The following MYO1D variants were observed in gnomAD, a reference collection of about 807,000 sequenced individuals.
The protein encoded by MYO1D is myosin ID.
MYO1D carries 83 observed loss-of-function variants against 122.0 expected under a neutral mutation model. The observed-to-expected ratio is 0.68, with a 90% CI of 0.57 to 0.82. The LOEUF is 0.82. MYO1D is among the 40% of genes least tolerant of loss of function. The probability of loss-of-function intolerance (pLI) is 0.00; values close to 1 mark genes in which losing one functional copy is unlikely to be tolerated. For missense variants in MYO1D, 1,157 were observed against 1,269.5 expected (o/e 0.91, Z 1.35); for synonymous variants, 464 against 446.9 (o/e 1.04, Z -0.48).
chr17:32,625,808 G>A (rs1330262627), intron 20 of MYO1D, among the ~76,000 whole-genome samples: 3 of 152,178 alleles, frequency 2.0e-5, no homozygotes, highest in African/African-American at 7.2e-5. Flanking sequence ...TGGGATTACA[G>A]GTGTGAGCCA....
chr17:32,703,571 G>A (rs777282352), intron 16 of MYO1D, among the ~76,000 whole-genome samples: 9 of 151,686 alleles, frequency 5.9e-5, no homozygotes, highest in Admixed American at 1.3e-4. Context: ...GCATGCTACC[G>A]TGCCTGGCTA....
chr17:32,661,005 A>G (rs757085897), intron 16 of MYO1D, among the ~76,000 whole-genome samples: 1 of 152,158 alleles, frequency 6.6e-6, no homozygotes, highest in Non-Finnish European at 1.5e-5. Context: ...TCTATAAAGG[A>G]TATCAATCTT....
chr17:32,520,264 C>T (rs952714082), intron 21 of MYO1D, among the ~76,000 whole-genome samples: 2 of 152,142 alleles, frequency 1.3e-5, no homozygotes, highest in Non-Finnish European at 2.9e-5. Context: ...CGCACACTAG[C>T]TGAGGGTGAT....
chr17:32,872,530 T>C (rs976675145), intron 1 of MYO1D, among the ~76,000 whole-genome samples: 2 of 151,774 alleles, frequency 1.3e-5, no homozygotes, highest in African/African-American at 4.8e-5. Context: ...CGCCTCAGCC[T>C]CCCAAAGTGC....
At chr17:32,502,193 T>C (rs1206932529) in intron 21 of MYO1D, among the ~76,000 whole-genome samples, 5 of 152,228 alleles carry the variant, frequency 3.3e-5, no homozygotes, top group African/African-American at 4.8e-5. Context: ...CAAAATGTGG[T>C]ACATCCATTC....
intron 21 of MYO1D, among the ~76,000 whole-genome samples, chr17:32,580,958 G>T (rs2087333501): frequency 6.6e-6 from 1 of 152,124 alleles, no homozygotes; most frequent in South Asian, 2.1e-4. Flanking sequence ...GGCGAAGGCT[G>T]GCCTCAGAAT....
At chr17:32,495,909 G>C (rs1463809074) in intron 21 of MYO1D, 1 of 152,568 alleles carries the variant, frequency 6.6e-6, no homozygotes, top group Admixed American at 6.5e-5. Flanking sequence ...TCGGGATGGC[G>C]TCTGGGGCGT....
rs369941775 is a variant in MYO1D, at chr17:32,693,252, AT to A, written c.2121+18735del. On this transcript the variant is annotated intron_variant, in intron 16 of 21. Coordinates refer to ENST00000318217, the MANE Select transcript of MYO1D (RefSeq NM_015194.3). Reference sequence around the variant, plus strand: ...AGAAAAGTGAAATGAATATGTAGCCATTTTTTTTTCCTTCCTTTTTTTCCTA... The same window carrying A: ...AGAAAAGTGAAATGAATATGTAGCCATTTTTTTTCCTTCCTTTTTTTCCTA... 9.9e-5 allele frequency among the ~76,000 whole-genome samples: 15 copies of A among 151,358 alleles called. No homozygotes were observed. The East Asian group carries it at 1.9e-3, about 20-fold the overall frequency.
At chr17:32,547,156 C>T (rs1459887111) in intron 21 of MYO1D, among the ~76,000 whole-genome samples, 2 of 152,154 alleles carry the variant, frequency 1.3e-5, no homozygotes, top group Admixed American at 1.3e-4. Context: ...ATCCTCCCAC[C>T]TCTACCTCCC....
Position 32,494,916 on chromosome 17 carries a change from C to T in MYO1D, c.2865-1G>A. ...GTTCACTTGAAGGTGGCGCTTCTCA[C>T]TGCAGGAACCAAAAACACCAGACGG... is the stretch of plus-strand genomic sequence containing the variant. On this transcript the variant is annotated splice_acceptor_variant, in intron 21 of 21. Coordinates refer to ENST00000318217, the MANE Select transcript of MYO1D (RefSeq NM_015194.3). LOFTEE classifies it high-confidence loss of function. 1 of 1,592,480 alleles carries T rather than the reference C, an allele frequency of 6.3e-7. No individual in the cohort carries two copies. Among genetic ancestry groups the T allele is most frequent in the Non-Finnish European group, 8.6e-7 (1 of 1,165,360 alleles).
intron 1 of MYO1D, among the ~76,000 whole-genome samples, chr17:32,782,764 C>T (rs149079913): frequency 0.015 from 2,223 of 152,162 alleles, 43 homozygotes; most frequent in African/African-American, 0.048. Context: ...AGTGAAACTC[C>T]ATCTCTACCA....
At chr17:32,604,844 A>G (rs546516042) in intron 21 of MYO1D, among the ~76,000 whole-genome samples, 2 of 152,334 alleles carry the variant, frequency 1.3e-5, no homozygotes, top group Admixed American at 6.5e-5. Flanking sequence ...AATAAAAATC[A>G]CCATTTAGGG....
At chr17:32,529,241 G>A (rs774932306) in intron 21 of MYO1D, among the ~76,000 whole-genome samples, 1 of 152,184 alleles carries the variant, frequency 6.6e-6, no homozygotes. Flanking sequence ...AATTGAGCAG[G>A]AGGATCATGA....
intron 1 of MYO1D, among the ~76,000 whole-genome samples, chr17:32,855,435 G>C (rs1047176134): frequency 6.6e-6 from 1 of 152,100 alleles, no homozygotes; most frequent in African/African-American, 2.4e-5. Flanking sequence ...AGTACGTATT[G>C]TTTTCTGTCT....
rs148097663 is a variant in MYO1D at position 32,656,931 on chromosome 17, A to C, written c.2345+2184T>G. On this transcript the variant is annotated intron_variant, in intron 17 of 21. Transcript: ENST00000318217. ...AGCCTGTCCTGTCTTCACTGCCCAC[A>C]GTGGCTCAGGACAAGGTCTGTCCCT... Among the ~76,000 whole-genome samples the C allele has an allele frequency of 6.9e-4, 105 of 152,362 alleles. 1 individual carries two copies. Among genetic ancestry groups the C allele is most frequent in the African/African-American group, 2.4e-3 (98 of 41,586 alleles).
chr17:32,830,521 C>T (rs2090762530), intron 1 of MYO1D, among the ~76,000 whole-genome samples: 1 of 152,138 alleles, frequency 6.6e-6, no homozygotes, highest in Non-Finnish European at 1.5e-5. Context: ...GTGGCAGAGA[C>T]ATTATCTAGT....
At chr17:32,564,893 GCAT>G (rs550592109) in intron 21 of MYO1D, among the ~76,000 whole-genome samples, 110 of 152,180 alleles carry the variant, frequency 7.2e-4, no homozygotes, top group Non-Finnish European at 1.4e-3. Flanking sequence ...TCTAGAAACA[GCAT>G]ACCCCCCATC....
intron 13 of MYO1D, among the ~76,000 whole-genome samples, chr17:32,740,828 T>C (rs1261691986): frequency 1.3e-5 from 2 of 152,066 alleles, no homozygotes; most frequent in Admixed American, 6.5e-5. Context: ...CCAGAACCCT[T>C]ATCTTAGAAG....
intron 21 of MYO1D, among the ~76,000 whole-genome samples, chr17:32,539,460 T>G (rs1910771042): frequency 6.6e-6 from 1 of 152,226 alleles, no homozygotes; most frequent in African/African-American, 2.4e-5. Context: ...AATTACTTTT[T>G]TACAGTTCTG....
Sources: gnomAD v4.1 joint callset for allele counts (sites outside exome capture counted in the v4.1 genomes callset) on GRCh38, gnomAD v4.1.1 for gene constraint, MANE v1.5 for transcripts, NCBI Gene and HGNC (gene_info 2026-07-23, HGNC 2026-07-21) for gene names.